The following PCDHGA12 variants were observed in gnomAD, a reference collection of about 807,000 sequenced individuals.
PCDHGA12 encodes protocadherin gamma-A12.
A neutral mutation model predicts 61.1 loss-of-function variants in PCDHGA12; 43 were observed. The observed-to-expected ratio is 0.70, with a 90% CI of 0.55 to 0.91. The LOEUF is 0.91. Among genes scored for constraint, PCDHGA12 ranks in the 40% least tolerant of loss-of-function variants. The probability of loss-of-function intolerance (pLI) is 0.00; values close to 1 mark genes in which losing one functional copy is unlikely to be tolerated. For synonymous variants in PCDHGA12, 520 were observed against 542.9 expected, an observed-to-expected ratio of 0.96 and a Z score of 0.59; for missense variants, 1,236 against 1,227.7, an observed-to-expected ratio of 1.01 and a Z score of -0.10.
rs746913952 is a variant in PCDHGA12, at chr5:141,432,898, G to T, written c.2139G>T (p.Ala713=). 2.5e-6 allele frequency: 4 copies of T among 1,614,174 alleles called. No individual in the cohort carries two copies. Among genetic ancestry groups the T allele is most frequent in the Admixed American group, 3.3e-5 (2 of 60,034 alleles). ...TGGCCTTCGTCATCTTGCTGCTGGC[G>T]CTCAGGCTGCGGCGCTGGCACAAGT... ...VFLAFVILLL[A]LRLRRWHKSR... is the part of the protein sequence containing the mutation. Residue 713 remains alanine, a synonymous_variant, in exon 1 of 4, where the codon GCG becomes GCT. Coordinates refer to ENST00000252085, the MANE Select transcript of PCDHGA12 (RefSeq NM_003735.3). The surrounding 1 kb of genome is among the most constrained non-coding windows in gnomAD (Gnocchi z 6.0).
chr5:141,461,438 T>C (rs1034260263), intron 1 of PCDHGA12, among the ~76,000 whole-genome samples: 3 of 152,200 alleles, frequency 2.0e-5, no homozygotes, highest in African/African-American at 7.2e-5. Flanking sequence ...GTATACCTTC[T>C]TTTGAGAAAT....
intron 1 of PCDHGA12, chr5:141,471,430 G>A (rs2099257545): frequency 6.6e-6 from 1 of 152,140 alleles, no homozygotes; most frequent in South Asian, 2.1e-4. Flanking sequence ...CAAGGAAAGT[G>A]TATAATCTCA....
chr5:141,468,443 G>A (rs760789357), intron 1 of PCDHGA12: 6 of 152,124 alleles, frequency 3.9e-5, no homozygotes, highest in Non-Finnish European at 8.8e-5. Context: ...AAATGTGGGT[G>A]CAAAATTAAA....
chr5:141,470,488 T>A (rs2099231812), intron 1 of PCDHGA12, among the ~76,000 whole-genome samples: 2 of 152,234 alleles, frequency 1.3e-5, no homozygotes, highest in South Asian at 4.1e-4. Flanking sequence ...CCTCTGGGAA[T>A]AATATTAGGT....
chr5:141,494,076 G>A (rs538740530), intron 1 of PCDHGA12, among the ~76,000 whole-genome samples: 24 of 152,234 alleles, frequency 1.6e-4, no homozygotes, highest in African/African-American at 4.3e-4. Flanking sequence ...ATCCCTCCCC[G>A]CTGCATCCCT....
At position 141,493,188 on chromosome 5, in the gene PCDHGA12, C is replaced by T. The variant is rs1292810486; in HGVS notation, c.2425-1619C>T. Among the ~76,000 whole-genome samples the T allele has an allele frequency of 2.6e-5, 4 of 152,216 alleles. No individual in the cohort carries two copies. Among genetic ancestry groups the T allele is most frequent in the Non-Finnish European group, 4.4e-5 (3 of 68,046 alleles). ...ATTGAGAGAAACTTACTATATAACT[C>T]CTTTGAGAACCTCATCTCATTTGCT... On this transcript the variant is annotated intron_variant, in intron 1 of 3. Coordinates refer to ENST00000252085, the MANE Select transcript of PCDHGA12 (RefSeq NM_003735.3). The surrounding 1 kb of genome is among the most constrained non-coding windows in gnomAD (Gnocchi z 4.3).
rs1243327893 is a variant in PCDHGA12, at chr5:141,491,671, C to G, written c.2425-3136C>G. 1 of 1,613,484 alleles carries G rather than the reference C, an allele frequency of 6.2e-7. No homozygotes were observed. Among genetic ancestry groups the G allele is most frequent in the Admixed American group, 1.7e-5 (1 of 60,034 alleles). On this transcript the variant is annotated intron_variant, in intron 1 of 3. Transcript: ENST00000252085. This position sits in a 1 kb window ranked among gnomAD's most constrained non-coding sequence, Gnocchi z 6.9. ...GCTGGAGCCTGACGCCATCCGGTCC[C>G]GCTCTAATACGCTGCGGGAGCGGAG...
chr5:141,449,774 A>G (rs541830970), intron 1 of PCDHGA12, among the ~76,000 whole-genome samples: 2 of 151,714 alleles, frequency 1.3e-5, no homozygotes, highest in African/African-American at 4.8e-5. Flanking sequence ...AAGTTGTAGA[A>G]ATTATGTTTC....
At chr5:141,502,008 C>T (rs753492460) in intron 2 of PCDHGA12, among the ~76,000 whole-genome samples, 6 of 152,086 alleles carry the variant, frequency 3.9e-5, no homozygotes, top group Non-Finnish European at 8.8e-5. Context: ...AACCCGCATG[C>T]TCTCCTCCCT....
chr5:141,491,800 C>G lies in PCDHGA12; in HGVS notation c.2425-3007C>G. The G allele has an allele frequency of 6.7e-7, 1 of 1,500,854 alleles. No individual in the cohort carries two copies. The highest frequency in any genetic ancestry group is 8.9e-7 in the Non-Finnish European group (1 of 1,125,316). 93.0% of individuals were successfully genotyped at this position (1,500,854 alleles called of 1,614,324 possible). A position where few individuals can be genotyped will look rare whatever the true frequency, so the allele number is the denominator to read the frequency against. ...GAACTTGCATCCACTCCTCTCCGGC[C>G]GGCTTGGTCGCTGGCTGCGCTCCAC... On this transcript the variant is annotated intron_variant, in intron 1 of 3. Transcript: ENST00000252085. The surrounding 1 kb of genome is among the most constrained non-coding windows in gnomAD (Gnocchi z 6.9).
chr5:141,456,390 T>G (rs1007800936), intron 1 of PCDHGA12, among the ~76,000 whole-genome samples: 2 of 152,114 alleles, frequency 1.3e-5, no homozygotes, highest in African/African-American at 4.8e-5. Context: ...CGTTTGGAGT[T>G]TGATTGCTTC....
chr5:141,484,002 A>T, intron 1 of PCDHGA12, among the ~76,000 whole-genome samples: 1 of 25,484 alleles, frequency 3.9e-5, no homozygotes, highest in African/African-American at 1.7e-4. Context: ...GGAGGTCTGG[A>T]TGAGGGTGGG....
chr5:141,468,814 C>G (rs2099180978), intron 1 of PCDHGA12, among the ~76,000 whole-genome samples: 1 of 151,814 alleles, frequency 6.6e-6, no homozygotes, highest in African/African-American at 2.4e-5. Context: ...TGCAGTGAGC[C>G]AAGATCAAGC....
chr5:141,473,263 T>C (rs2099318134), intron 1 of PCDHGA12, among the ~76,000 whole-genome samples: 1 of 152,210 alleles, frequency 6.6e-6, no homozygotes, highest in African/African-American at 2.4e-5. Context: ...GTCCTTAGTG[T>C]ATGCTATGAT....
rs1195194477 is a variant in PCDHGA12, at chr5:141,432,620, C to G, written c.1861C>G (p.Leu621Val). Residue 621 changes from leucine (L) to valine (V), a missense_variant, in exon 1 of 4, where the codon CTG (leucine) becomes GTG (valine). Transcript: ENST00000252085. The surrounding 1 kb of genome is among the most constrained non-coding windows in gnomAD (Gnocchi z 6.0). ...ASEPGLFSVG[L>V]HTGEVRTARA... ...CGAGCCGGGACTCTTCTCGGTGGGTCTGCACACGGGCGAGGTGCGCACGGC... is the reference window on the plus strand; with the variant it reads ...CGAGCCGGGACTCTTCTCGGTGGGTGTGCACACGGGCGAGGTGCGCACGGC... 6 of 1,613,190 alleles carry G rather than the reference C, an allele frequency of 3.7e-6. No individual in the cohort carries two copies. Among genetic ancestry groups the G allele is most frequent in the Admixed American group, 1.7e-5 (1 of 59,978 alleles).
intron 1 of PCDHGA12, among the ~76,000 whole-genome samples, chr5:141,456,955 T>A (rs1352654794): frequency 2.6e-5 from 4 of 151,974 alleles, no homozygotes; most frequent in African/African-American, 7.3e-5. Flanking sequence ...AGAGCAAAAC[T>A]CCATCTCAAA....
In PCDHGA12 at chr5:141,489,684, T is replaced by C. The variant is rs2099690710; in HGVS notation, c.2425-5123T>C. 1.2e-6 allele frequency: 2 copies of C among 1,614,062 alleles called. No individual in the cohort carries two copies. The highest frequency in any genetic ancestry group is 8.5e-7 in the Non-Finnish European group (1 of 1,180,034). On this transcript the variant is annotated intron_variant, in intron 1 of 3. Coordinates refer to ENST00000252085, the MANE Select transcript of PCDHGA12 (RefSeq NM_003735.3). This position sits in a 1 kb window ranked among gnomAD's most constrained non-coding sequence, Gnocchi z 4.5. ...TGCGCATCTCAGAATCAGCAGCATCTGGGGCACGATTCCCACTGGACAGTG... is the reference window on the plus strand; with the variant it reads ...TGCGCATCTCAGAATCAGCAGCATCCGGGGCACGATTCCCACTGGACAGTG...
chr5:141,481,871 G>T (rs372191396), intron 1 of PCDHGA12, among the ~76,000 whole-genome samples: 1 of 144,788 alleles, frequency 6.9e-6, no homozygotes, highest in Non-Finnish European at 1.5e-5. Context: ...CCGAGATCGC[G>T]CCACTGCACT....
At chr5:141,448,654 A>G (rs966383140) in intron 1 of PCDHGA12, among the ~76,000 whole-genome samples, 1 of 152,048 alleles carries the variant, frequency 6.6e-6, no homozygotes, top group African/African-American at 2.4e-5. Context: ...AAATATTTCC[A>G]TATTGGCCGG....
Sources: gnomAD v4.1 joint callset for allele counts (sites outside exome capture counted in the v4.1 genomes callset) on GRCh38, gnomAD v4.1.1 for gene constraint, Gnocchi (gnomAD v3.1) non-coding constraint, MANE v1.5 for transcripts, NCBI Gene and HGNC (gene_info 2026-07-23, HGNC 2026-07-21) for gene names.